DLG2: variants seen among roughly 807,000 people sequenced by gnomAD.
The protein encoded by DLG2 is disks large homolog 2.
DLG2 carries 45 observed loss-of-function variants against 132.5 expected under a neutral mutation model. The ratio of observed to expected loss-of-function variants is 0.34; its 90% CI spans 0.27 to 0.44. DLG2 has a LOEUF of 0.44. Among genes scored for constraint, DLG2 ranks in the 20% least tolerant of loss-of-function variants. DLG2 has a pLI of 1.00. For synonymous variants in DLG2, 424 were observed against 419.6 expected, an observed-to-expected ratio of 1.01 and a Z score of -0.13; for missense variants, 1,045 against 1,196.9, an observed-to-expected ratio of 0.87 and a Z score of 1.87.
chr11:83,691,064 C>T (rs2080907692), intron 18 of DLG2, among the ~76,000 whole-genome samples: 1 of 152,162 alleles, frequency 6.6e-6, no homozygotes, highest in Non-Finnish European at 1.5e-5. Flanking sequence ...GTCTACTGGA[C>T]ATGTGCACGT....
At chr11:84,626,319 AC>A (rs1375987258) in intron 6 of DLG2, among the ~76,000 whole-genome samples, 1 of 152,112 alleles carries the variant, frequency 6.6e-6, no homozygotes, top group East Asian at 1.9e-4. Flanking sequence ...ATTCCTCTTT[AC>A]TTCAAGACAC....
chr11:83,732,464 C>T (rs2091196317), intron 18 of DLG2, among the ~76,000 whole-genome samples: 1 of 152,104 alleles, frequency 6.6e-6, no homozygotes, highest in Non-Finnish European at 1.5e-5. Flanking sequence ...GTAACTTCAA[C>T]ATGTTGATAA....
chr11:83,500,030 T>G (rs947221969), intron 21 of DLG2, among the ~76,000 whole-genome samples: 1 of 151,236 alleles, frequency 6.6e-6, no homozygotes, highest in African/African-American at 2.4e-5. Context: ...TTCTTTAATA[T>G]TTAGCTCACA....
intron 6 of DLG2, among the ~76,000 whole-genome samples, chr11:84,877,512 CTT>C (rs60339036): frequency 8.7e-5 from 5 of 57,452 alleles, no homozygotes; most frequent in African/African-American, 3.0e-4. Flanking sequence ...GCAACCCCTG[CTT>C]TTTTTTTTTT....
chr11:84,634,492 T>C (rs2099637298), intron 6 of DLG2, among the ~76,000 whole-genome samples: 1 of 152,136 alleles, frequency 6.6e-6, no homozygotes, highest in Non-Finnish European at 1.5e-5. Flanking sequence ...CTATTCAAAC[T>C]GTGTTCAAAT....
intron 6 of DLG2, among the ~76,000 whole-genome samples, chr11:85,014,258 G>A (rs1474390409): frequency 6.6e-6 from 1 of 152,148 alleles, no homozygotes; most frequent in Non-Finnish European, 1.5e-5. Flanking sequence ...CATTTACCCA[G>A]TGGGTTGCTG....
intron 3 of DLG2, among the ~76,000 whole-genome samples, chr11:85,471,380 TC>T (rs1021883103): frequency 2.1e-4 from 32 of 151,722 alleles, no homozygotes; most frequent in Non-Finnish European, 2.6e-4. Flanking sequence ...AGCCGACCTA[TC>T]AAATGGAAGG....
At chr11:85,136,220 T>C (rs564143963) in intron 5 of DLG2, among the ~76,000 whole-genome samples, 6 of 152,348 alleles carry the variant, frequency 3.9e-5, no homozygotes, top group African/African-American at 1.4e-4. Context: ...ACAAGTATAC[T>C]GTAAATGCAT....
intron 6 of DLG2, among the ~76,000 whole-genome samples, chr11:84,616,763 T>G (rs1044433651): frequency 4.6e-5 from 7 of 152,114 alleles, no homozygotes; most frequent in African/African-American, 1.7e-4. Context: ...ATGAAATCAC[T>G]TTTGAGAAGG....
At chr11:84,474,541 T>G (rs1273941472) in intron 7 of DLG2, among the ~76,000 whole-genome samples, 1 of 152,070 alleles carries the variant, frequency 6.6e-6, no homozygotes, top group African/African-American at 2.4e-5. Context: ...AGCCAACTCC[T>G]ATAGACAATA....
At chr11:85,061,948 A>C (rs1396617250) in intron 6 of DLG2, among the ~76,000 whole-genome samples, 1 of 151,872 alleles carries the variant, frequency 6.6e-6, no homozygotes. Context: ...GTGACTCTAG[A>C]AATTTCCCCC....
At chr11:84,415,966 CCTT>C (rs1340274424) in intron 7 of DLG2, among the ~76,000 whole-genome samples, 1 of 152,002 alleles carries the variant, frequency 6.6e-6, no homozygotes, top group Non-Finnish European at 1.5e-5. Context: ...TTTTTTTCCT[CCTT>C]CTCTAATAAT....
intron 7 of DLG2, among the ~76,000 whole-genome samples, chr11:84,271,747 C>G (rs2097725149): frequency 6.6e-6 from 1 of 152,070 alleles, no homozygotes; most frequent in Admixed American, 6.6e-5. Context: ...CTCCAACTTA[C>G]TTTCCTATTC....
At chr11:84,204,969 G>A (rs571898557) in intron 8 of DLG2, among the ~76,000 whole-genome samples, 3 of 152,200 alleles carry the variant, frequency 2.0e-5, no homozygotes, top group Non-Finnish European at 4.4e-5. Context: ...CTCCCAAAGT[G>A]CTGGGATTAC....
chr11:84,358,119 A>G (rs928920463), intron 7 of DLG2, among the ~76,000 whole-genome samples: 12 of 152,090 alleles, frequency 7.9e-5, no homozygotes, highest in African/African-American at 1.7e-4. Flanking sequence ...GGTACTCAAC[A>G]TGTCAGCCAT....
intron 14 of DLG2, among the ~76,000 whole-genome samples, chr11:83,936,344 C>A (rs1305389529): frequency 2.0e-5 from 3 of 152,166 alleles, no homozygotes; most frequent in African/African-American, 7.2e-5. Context: ...CTCTGTACTT[C>A]TCAATTATTT....
intron 6 of DLG2, among the ~76,000 whole-genome samples, chr11:85,048,519 A>C (rs962826213): frequency 1.3e-5 from 2 of 151,988 alleles, no homozygotes; most frequent in African/African-American, 2.4e-5. Context: ...GTCCAGAGAA[A>C]TGTGAGAAAT....
intron 6 of DLG2, among the ~76,000 whole-genome samples, chr11:84,920,546 T>C (rs2092704697): frequency 6.6e-6 from 1 of 152,232 alleles, no homozygotes. Flanking sequence ...TTGTTTATAG[T>C]CTGTGTCTTT....
At chr11:83,897,350 T>C (rs184831104) in intron 15 of DLG2, among the ~76,000 whole-genome samples, 2 of 152,346 alleles carry the variant, frequency 1.3e-5, no homozygotes, top group East Asian at 1.9e-4. Flanking sequence ...CAGAAAAGCA[T>C]TGATTCAAAG....
Sources: gnomAD v4.1 joint callset for allele counts (sites outside exome capture counted in the v4.1 genomes callset) on GRCh38, gnomAD v4.1.1 for gene constraint, MANE v1.5 for transcripts, NCBI Gene and HGNC (gene_info 2026-07-23, HGNC 2026-07-21) for gene names.